The following EPDR1 variants were observed in gnomAD, a reference collection of about 807,000 sequenced individuals.
EPDR1 encodes ependymin related 1, also known as mammalian ependymin-related protein 1.
A neutral mutation model predicts 23.7 loss-of-function variants in EPDR1; 27 were observed. The observed-to-expected ratio is 1.14, with a 90% CI of 0.84 to 1.57. The LOEUF (loss-of-function observed/expected upper bound fraction) is 1.57. Among genes scored for constraint, EPDR1 ranks in the 40% most tolerant of loss-of-function variants. EPDR1 has a pLI of 0.00. For synonymous variants in EPDR1, 137 were observed against 118.2 expected, an observed-to-expected ratio of 1.16 and a Z score of -1.03; for missense variants, 349 against 290.4, an observed-to-expected ratio of 1.20 and a Z score of -1.47.
intron 1 of EPDR1, among the ~76,000 whole-genome samples, chr7:37,931,274 G>A (rs748446586): frequency 9.9e-5 from 15 of 152,170 alleles, no homozygotes; most frequent in Non-Finnish European, 2.1e-4. Flanking sequence ...AGCACTTTGG[G>A]AGGCCGAGGC....
chr7:37,938,159 T>A (rs866060906), intron 1 of EPDR1, among the ~76,000 whole-genome samples: 3 of 151,564 alleles, frequency 2.0e-5, no homozygotes, highest in Non-Finnish European at 4.4e-5. Flanking sequence ...CCTGGCTAAT[T>A]TTTTGTATTT....
intron 1 of EPDR1, among the ~76,000 whole-genome samples, chr7:37,944,649 G>A (rs1786237157): frequency 6.6e-6 from 1 of 152,150 alleles, no homozygotes; most frequent in South Asian, 2.1e-4. Context: ...GACCTTGTGA[G>A]ACTTATTCAC....
rs1786411538 is a variant in EPDR1, at chr7:37,951,718, A to C, written c.*1322A>C. ...CTAGATGCTTCTACTGTTATGTTTT[A>C]TCTGCCCATTTATCTTTCTTAGTTA... On this transcript the variant is annotated 3_prime_UTR_variant, in exon 3 of 3. Transcript: ENST00000199448. 6.6e-6 allele frequency: 1 copy of C among 152,214 alleles called. No homozygotes were observed. The allele number at this position is 152,214 out of a possible 1,614,324, so 9.4% of individuals were successfully genotyped here.
intron 1 of EPDR1, among the ~76,000 whole-genome samples, chr7:37,940,409 G>T (rs1786147387): frequency 6.6e-6 from 1 of 152,164 alleles, no homozygotes; most frequent in African/African-American, 2.4e-5. Context: ...TAAAATCAGA[G>T]AGGAAAAGTG....
rs766712462 is a variant in EPDR1, at chr7:37,949,056, T to G, written c.478+8T>G. 86 of 1,613,060 alleles carry G rather than the reference T, an allele frequency of 5.3e-5. No homozygotes were observed. In the Middle Eastern group the frequency reaches 1.6e-3, roughly 31 times the overall value. On this transcript the variant is annotated splice_region_variant and intron_variant, in intron 2 of 2. Coordinates refer to ENST00000199448, the MANE Select transcript of EPDR1 (RefSeq NM_017549.5). Reference sequence around the variant, plus strand: ...GAAAGTCAGCTAGATCCTGTAAGGGTTCAAAGAATCTAAGCATTGTATTCA... The same window carrying G: ...GAAAGTCAGCTAGATCCTGTAAGGGGTCAAAGAATCTAAGCATTGTATTCA...
chr7:37,950,179 T>G, intron 2 of EPDR1, 21 bp from the exon 3 acceptor site: 1 of 1,559,350 alleles, frequency 6.4e-7, no homozygotes, highest in Non-Finnish European at 8.7e-7. Context: ...TATTTAAAAG[T>G]CAACTTTTTT....
intron 1 of EPDR1, among the ~76,000 whole-genome samples, chr7:37,935,396 C>T (rs181725560): frequency 4.2e-4 from 64 of 152,280 alleles, no homozygotes; most frequent in African/African-American, 1.3e-3. Flanking sequence ...CCCTGTTAAA[C>T]GTTAACTGAT....
chr7:37,938,607 T>C (rs543079418), intron 1 of EPDR1, among the ~76,000 whole-genome samples: 132 of 152,356 alleles, frequency 8.7e-4, no homozygotes, highest in Middle Eastern at 3.4e-3. Flanking sequence ...TCTGTTCTTA[T>C]CCAGCCTGCT....
intron 1 of EPDR1, among the ~76,000 whole-genome samples, chr7:37,943,810 G>C (rs993733159): frequency 2.0e-5 from 3 of 152,102 alleles, no homozygotes; most frequent in Non-Finnish European, 2.9e-5. Flanking sequence ...TGATTGTTCC[G>C]GGTCTAAAAT....
At chr7:37,934,916 G>C (rs547990293) in intron 1 of EPDR1, among the ~76,000 whole-genome samples, 1 of 151,988 alleles carries the variant, frequency 6.6e-6, no homozygotes, top group African/African-American at 2.4e-5. Context: ...TTGCACTCCA[G>C]CCTGGGTGAC....
Position 37,951,739 on chromosome 7 carries a change from A to G in EPDR1, c.*1343A>G, listed in dbSNP as rs866447435. On this transcript the variant is annotated 3_prime_UTR_variant, in exon 3 of 3. Coordinates refer to ENST00000199448, the MANE Select transcript of EPDR1 (RefSeq NM_017549.5). ...TTTTATCTGCCCATTTATCTTTCTT[A>G]GTTACCAGGAGAAATGTGTGACACC... 3 of 152,228 alleles carry G rather than the reference A, an allele frequency of 2.0e-5. No homozygotes were observed. The highest frequency in any genetic ancestry group is 2.9e-5 in the Non-Finnish European group (2 of 68,042). 9.4% of individuals were successfully genotyped at this position (152,228 alleles called of 1,614,324 possible). A position where few individuals can be genotyped will look rare whatever the true frequency, so the allele number is the denominator to read the frequency against.
At chr7:37,940,300 AG>A (rs1465941139) in intron 1 of EPDR1, among the ~76,000 whole-genome samples, 3 of 152,238 alleles carry the variant, frequency 2.0e-5, no homozygotes, top group Admixed American at 6.5e-5. Context: ...CATGAGGAAT[AG>A]GGAAGAGGAG....
rs1254064585 is a variant in EPDR1 at position 37,948,821 on chromosome 7, C to G, written c.270-19C>G. 6.2e-7 allele frequency: 1 copy of G among 1,607,160 alleles called. No homozygotes were observed. The highest frequency in any genetic ancestry group is 8.5e-7 in the Non-Finnish European group (1 of 1,174,208). ...GGTAACATGAAGTCCCAAACTACTT[C>G]TTTCCATCTGTGTTTCAGATTATTT... On this transcript the variant is annotated intron_variant, in intron 1 of 2. Coordinates refer to ENST00000199448, the MANE Select transcript of EPDR1 (RefSeq NM_017549.5).
Position 37,925,978 on chromosome 7 carries a change from A to C in EPDR1, c.269+4770A>C, listed in dbSNP as rs187427624. 1.9e-4 allele frequency among the ~76,000 whole-genome samples: 29 copies of C among 152,298 alleles called. No individual in the cohort carries two copies. In the East Asian group the frequency reaches 5.0e-3, roughly 26 times the overall value. ...ATCTAAGCCTGTGCTTATGAGTAGA[A>C]AAAGAGAAGAGGCTACCTTGAAATG... On this transcript the variant is annotated intron_variant, in intron 1 of 2. Transcript: ENST00000199448.
In EPDR1 at chr7:37,936,037, T is replaced by TACAC. The variant is rs1410736413; in HGVS notation, c.270-12802_270-12801insCACA. Among the ~76,000 whole-genome samples the TACAC allele has an allele frequency of 1.2e-3, 91 of 74,714 alleles. 12 individuals carry two copies. Among genetic ancestry groups the TACAC allele is most frequent in the South Asian group, 5.3e-3 (10 of 1,894 alleles). The allele number at this position is 74,714 out of a possible 152,430, so 49.0% of individuals were successfully genotyped here. ...ATATATATATATATATATATATATATATACACAAGGGAAATGTGAATCTGT... is the reference window on the plus strand; with the variant it reads ...ATATATATATATATATATATATATATACACATACACAAGGGAAATGTGAATCTGT... On this transcript the variant is annotated intron_variant, in intron 1 of 2. Transcript: ENST00000199448.
chr7:37,947,995 G>T (rs1387038890), intron 1 of EPDR1, among the ~76,000 whole-genome samples: 3 of 152,228 alleles, frequency 2.0e-5, no homozygotes, highest in South Asian at 4.1e-4. Context: ...CCACTGCAGG[G>T]TATGTGGGCT....
intron 1 of EPDR1, among the ~76,000 whole-genome samples, chr7:37,936,819 G>T (rs1786063568): frequency 6.6e-6 from 1 of 152,072 alleles, no homozygotes; most frequent in African/African-American, 2.4e-5. Context: ...GGAGTGATAG[G>T]ATGATTCAAC....
At position 37,924,252 on chromosome 7, in the gene EPDR1, C is replaced by A. The variant is rs140409100; in HGVS notation, c.269+3044C>A. ...TGAGCAAACATCTAATGATTGCCTG[C>A]CCTAGGTTAGGCTGTATGCTCAATG... On this transcript the variant is annotated intron_variant, in intron 1 of 2. Transcript: ENST00000199448. Among the ~76,000 whole-genome samples, 83 of 152,334 alleles carry A rather than the reference C, an allele frequency of 5.4e-4. No individual in the cohort carries two copies. In the East Asian group the frequency reaches 0.01, roughly 19 times the overall value.
intron 1 of EPDR1, among the ~76,000 whole-genome samples, chr7:37,928,690 C>A (rs1218797728): frequency 6.6e-6 from 1 of 152,164 alleles, no homozygotes; most frequent in Non-Finnish European, 1.5e-5. Context: ...TTCCTTCTCC[C>A]ACCTTATTTC....
Sources: allele counts gnomAD v4.1 joint callset (sites outside exome capture counted in the v4.1 genomes callset), GRCh38; gene constraint gnomAD v4.1.1; transcripts MANE v1.5; gene names NCBI Gene and HGNC (gene_info 2026-07-23, HGNC 2026-07-21).